The following CCR3 variants were observed in gnomAD, a reference collection of about 807,000 sequenced individuals.
CCR3 encodes C-C chemokine receptor type 3.
For missense variants in CCR3, 419 were observed against 437.5 expected (o/e 0.96, Z 0.38); for synonymous variants, 203 against 179.2 (o/e 1.13, Z -1.06).
chr3:46,242,649 A>G (rs1700104703), intron 1 of CCR3, 111 bp downstream of exon 1: 1 of 151,966 alleles, frequency 6.6e-6, no homozygotes, highest in African/African-American at 2.4e-5. Context: ...AGAGGAAGGT[A>G]CACAGCAATT....
chr3:46,214,120 C>T (rs539020327), intron 2 of CCR3, among the ~76,000 whole-genome samples: 1 of 152,304 alleles, frequency 6.6e-6, no homozygotes, highest in South Asian at 2.1e-4. Flanking sequence ...ACTGCATTCC[C>T]CTCTTTTAGA....
chr3:46,239,630 C>T (rs1700059061), upstream of CCR3, among the ~76,000 whole-genome samples: 1 of 152,178 alleles, frequency 6.6e-6, no homozygotes, highest in Non-Finnish European at 1.5e-5. Flanking sequence ...AATTTCCACT[C>T]CACCATTTAG....
chr3:46,249,974 G>A (rs987115991), intron 1 of CCR3, among the ~76,000 whole-genome samples: 11 of 152,070 alleles, frequency 7.2e-5, no homozygotes, highest in African/African-American at 2.2e-4. Flanking sequence ...ATTTAATGTC[G>A]GGAGCAGATT....
At chr3:46,222,368 A>G (rs114975426) in intron 2 of CCR3, among the ~76,000 whole-genome samples, 1 of 152,316 alleles carries the variant, frequency 6.6e-6, no homozygotes, top group African/African-American at 2.4e-5. Flanking sequence ...GCTGACAGGC[A>G]GCCTGGTTGC....
chr3:46,260,890 T>G (rs1355181122), intron 1 of CCR3, among the ~76,000 whole-genome samples: 1 of 152,190 alleles, frequency 6.6e-6, no homozygotes, highest in Admixed American at 6.5e-5. Context: ...AAGACCAAAT[T>G]CTAGTTTTGC....
upstream of CCR3, among the ~76,000 whole-genome samples, chr3:46,238,872 G>T (rs1700048234): frequency 6.6e-6 from 1 of 152,192 alleles, no homozygotes; most frequent in South Asian, 2.1e-4. Flanking sequence ...ATTTATATAT[G>T]ATATTCTAGA....
At chr3:46,250,306 G>A (rs903415207) in intron 1 of CCR3, among the ~76,000 whole-genome samples, 3 of 152,100 alleles carry the variant, frequency 2.0e-5, no homozygotes, top group Admixed American at 1.3e-4. Context: ...AGTGGAGGCT[G>A]AGGAAGAATT....
chr3:46,255,834 G>C (rs143504154), intron 1 of CCR3, among the ~76,000 whole-genome samples: 1 of 152,002 alleles, frequency 6.6e-6, no homozygotes, highest in East Asian at 1.9e-4. Context: ...GCTGGGTAAC[G>C]TGATGCCTCC....
Position 46,264,344 on chromosome 3 carries a change from G to A in CCR3, c.-11-804G>A, listed in dbSNP as rs896945239. ...AATTATTGTAATAGTTAATTACTGT[G>A]ATTGTACATGTGTAACAGACAAAAT... On this transcript the variant is annotated intron_variant, in intron 1 of 1. Transcript: ENST00000395940. The A allele has an allele frequency of 6.5e-6, 7 of 1,069,970 alleles. No homozygotes were observed. In the African/African-American group the frequency reaches 9.4e-5, roughly 14 times the overall value. The allele number at this position is 1,069,970 out of a possible 1,614,324, so 66.3% of individuals were successfully genotyped here.
At chr3:46,228,419 A>G (rs1699927871) in intron 2 of CCR3, among the ~76,000 whole-genome samples, 1 of 152,150 alleles carries the variant, frequency 6.6e-6, no homozygotes, top group African/African-American at 2.4e-5. Flanking sequence ...CCTATCTCTT[A>G]GTGCTGAATT....
chr3:46,247,911 T>C (rs1217216199), intron 1 of CCR3, among the ~76,000 whole-genome samples: 1 of 152,142 alleles, frequency 6.6e-6, no homozygotes, highest in Non-Finnish European at 1.5e-5. Flanking sequence ...GAATAGCAGA[T>C]GGAACACTGA....
Position 46,266,304 on chromosome 3 carries a change from T to C in CCR3, c.*78T>C. 1 of 864,508 alleles carries C rather than the reference T, an allele frequency of 1.2e-6. No homozygotes were observed. The highest frequency in any genetic ancestry group is 1.8e-6 in the Non-Finnish European group (1 of 550,280). The allele number at this position is 864,508 out of a possible 1,614,324, so 53.6% of individuals were successfully genotyped here. On this transcript the variant is annotated 3_prime_UTR_variant, in exon 2 of 2. Coordinates refer to ENST00000395940, the MANE Select transcript of CCR3 (RefSeq NM_178329.3). Reference sequence around the variant, plus strand: ...ACATTAAGCCTTCCACACTCACCTCTAAAACAGTCCTTCAAACTTCCAGTG... The same window carrying C: ...ACATTAAGCCTTCCACACTCACCTCCAAAACAGTCCTTCAAACTTCCAGTG...
chr3:46,249,873 C>CT (rs56735026), intron 1 of CCR3, among the ~76,000 whole-genome samples: 2,108 of 149,414 alleles, frequency 0.014, 60 homozygotes, highest in African/African-American at 0.045. Flanking sequence ...GGAATTGCAA[C>CT]TTTTTTTTTT....
chr3:46,247,515 C>G lies in CCR3; in HGVS notation c.-12+4977C>G, dbSNP rs185690277. Among the ~76,000 whole-genome samples, 55 of 152,126 alleles carry G rather than the reference C, an allele frequency of 3.6e-4. 1 individual carries two copies. The highest frequency in any genetic ancestry group is 1.3e-3 in the African/African-American group (55 of 41,474). ...GTGTGTTTTTAAAAGACCTTTAGTC[C>G]GTTCTACTTTTCTTGAAGACAGAGG... is the stretch of plus-strand genomic sequence containing the variant. On this transcript the variant is annotated intron_variant, in intron 1 of 1. Transcript: ENST00000395940.
At chr3:46,230,340 A>G (rs1412783995) in intron 2 of CCR3, among the ~76,000 whole-genome samples, 1 of 152,166 alleles carries the variant, frequency 6.6e-6, no homozygotes, top group Non-Finnish European at 1.5e-5. Flanking sequence ...TGAATTTTGG[A>G]CATGGGCCTC....
intron 2 of CCR3, among the ~76,000 whole-genome samples, chr3:46,226,414 T>C (rs900559743): frequency 6.6e-6 from 1 of 152,222 alleles, no homozygotes; most frequent in African/African-American, 2.4e-5. Flanking sequence ...GCTAGAGTTA[T>C]ACCTAAGTAT....
At chr3:46,211,439 G>T (rs1186380699) in intron 2 of CCR3, among the ~76,000 whole-genome samples, 1 of 151,356 alleles carries the variant, frequency 6.6e-6, no homozygotes, top group Non-Finnish European at 1.5e-5. Flanking sequence ...GCCTAGGTTG[G>T]TCTCAAACTC....
rs1700281546 is a variant in CCR3, at chr3:46,250,366, GAAA to G, written c.-12+7830_-12+7832del. Among the ~76,000 whole-genome samples the G allele has an allele frequency of 2.6e-5, 4 of 152,136 alleles. No homozygotes were observed. In the South Asian group the frequency reaches 8.3e-4, roughly 32 times the overall value. On this transcript the variant is annotated intron_variant, in intron 1 of 1. Transcript: ENST00000395940. ...AGGGGAGAGGTCAGATGGGTCTGTA[GAAA>G]AGGAAGATTAGAAAGACTCAGCGAT... is the stretch of plus-strand genomic sequence containing the variant.
intron 2 of CCR3, among the ~76,000 whole-genome samples, chr3:46,224,534 T>A (rs1363886540): frequency 6.6e-6 from 1 of 151,292 alleles, no homozygotes; most frequent in African/African-American, 2.4e-5. Flanking sequence ...GGTGAGGAGT[T>A]TGAGATATCC....
Sources: allele counts gnomAD v4.1 joint callset (sites outside exome capture counted in the v4.1 genomes callset), GRCh38; gene constraint gnomAD v4.1.1; transcripts MANE v1.5; gene names NCBI Gene and HGNC (gene_info 2026-07-23, HGNC 2026-07-21).